The following RORA variants were observed in gnomAD, a reference collection of about 807,000 sequenced individuals.
The protein encoded by RORA is RAR related orphan receptor A.
In RORA, 7 loss-of-function variants were observed where a neutral mutation model predicts 69.5. That is an observed-to-expected ratio of 0.10 (90% CI 0.06 to 0.19). RORA has a LOEUF of 0.19. RORA is among the 10% of genes least tolerant of loss of function. RORA has a pLI of 1.00. For synonymous variants in RORA, 261 were observed against 240.8 expected, an observed-to-expected ratio of 1.08 and a Z score of -0.78; for missense variants, 457 against 663.0, an observed-to-expected ratio of 0.69 and a Z score of 3.41.
rs188717845 is a variant in RORA at position 60,567,955 on chromosome 15, A to G, written c.197-36104T>C. The stretch of plus-strand genomic sequence containing the variant: ...CTATGATGAACAGAAGGTAGAAAGC[A>G]TGCTCTGTGGCAGGGTTTCTCAGCC... On this transcript the variant is annotated intron_variant, in intron 2 of 10. Coordinates refer to ENST00000335670, the MANE Select transcript of RORA (RefSeq NM_134261.3). Among the ~76,000 whole-genome samples, 90 of 152,314 alleles carry G rather than the reference A, an allele frequency of 5.9e-4. No individual in the cohort carries two copies. In the Middle Eastern group the frequency reaches 0.01, roughly 17 times the overall value.
chr15:60,854,575 A>G (rs2073360982), intron 1 of RORA, among the ~76,000 whole-genome samples: 1 of 152,240 alleles, frequency 6.6e-6, no homozygotes, highest in Non-Finnish European at 1.5e-5. Flanking sequence ...ACACATGAAC[A>G]TATGGCTGAA....
chr15:61,183,845 AAT>A lies in RORA; in HGVS notation c.166+45206_166+45207del, dbSNP rs558528963. Among the ~76,000 whole-genome samples, 30 of 152,296 alleles carry A rather than the reference AAT, an allele frequency of 2.0e-4. 1 individual carries two copies. In the South Asian group the frequency reaches 6.0e-3, roughly 31 times the overall value. ...CTACATGAATGAATGGGTTACAATC[AAT>A]AGTCTCATGTCCTCCTTTCATACCT... On this transcript the variant is annotated intron_variant, in intron 1 of 10. Transcript: ENST00000335670.
intron 2 of RORA, among the ~76,000 whole-genome samples, chr15:60,661,906 A>C (rs1157537238): frequency 6.6e-6 from 1 of 152,224 alleles, no homozygotes; most frequent in Non-Finnish European, 1.5e-5. Context: ...TTGGGACTTT[A>C]GAATGCTGAG....
At chr15:60,965,525 T>C (rs1374029122) in intron 1 of RORA, among the ~76,000 whole-genome samples, 1 of 152,202 alleles carries the variant, frequency 6.6e-6, no homozygotes, top group Non-Finnish European at 1.5e-5. Flanking sequence ...AGTCTCACAT[T>C]GGAAGAACTT....
intron 1 of RORA, among the ~76,000 whole-genome samples, chr15:61,124,419 C>A (rs2079127126): frequency 6.6e-6 from 1 of 152,092 alleles, no homozygotes; most frequent in Non-Finnish European, 1.5e-5. Context: ...CGATTCAGCA[C>A]CCTCTCTGCC....
At chr15:60,912,529 T>A (rs769166657) in intron 1 of RORA, among the ~76,000 whole-genome samples, 1 of 152,050 alleles carries the variant, frequency 6.6e-6, no homozygotes, top group Non-Finnish European at 1.5e-5. Context: ...CCGAGGCATG[T>A]GGATCACGAG....
intron 1 of RORA, among the ~76,000 whole-genome samples, chr15:60,908,233 C>T (rs542804103): frequency 1.8e-4 from 28 of 152,326 alleles, no homozygotes; most frequent in East Asian, 9.6e-4. Flanking sequence ...CTGAGCTGAC[C>T]GTAGGGTGTG....
intron 1 of RORA, among the ~76,000 whole-genome samples, chr15:61,180,489 G>A (rs1024440867): frequency 6.6e-6 from 1 of 152,088 alleles, no homozygotes; most frequent in African/African-American, 2.4e-5. Flanking sequence ...TGTGTTCTGC[G>A]GCCACAGTGT....
rs923723774 is a variant in RORA, at chr15:60,493,344, A to G, written c.*4111T>C. On this transcript the variant is annotated 3_prime_UTR_variant, in exon 11 of 11. Coordinates refer to ENST00000335670, the MANE Select transcript of RORA (RefSeq NM_134261.3). Reference sequence around the variant, plus strand: ...AAAAACCCCAAAAAACTGTACAAATATGTATTTTTCCCTGAGGGATCAAGG... The same window carrying G: ...AAAAACCCCAAAAAACTGTACAAATGTGTATTTTTCCCTGAGGGATCAAGG... 7.9e-5 allele frequency: 12 copies of G among 152,134 alleles called. No individual in the cohort carries two copies. The highest frequency in any genetic ancestry group is 2.7e-4 in the African/African-American group (11 of 41,434). The allele number at this position is 152,134 out of a possible 1,614,324, so 9.4% of individuals were successfully genotyped here.
intron 1 of RORA, among the ~76,000 whole-genome samples, chr15:60,745,212 C>T (rs2071630246): frequency 6.6e-6 from 1 of 152,106 alleles, no homozygotes; most frequent in Non-Finnish European, 1.5e-5. Context: ...AAATTTGCTT[C>T]CAGGGGAGTT....
intron 2 of RORA, chr15:60,614,956 G>A (rs752336057): frequency 5.6e-6 from 9 of 1,613,948 alleles, no homozygotes; most frequent in Non-Finnish European, 3.4e-6. Flanking sequence ...GTTCTTGGCT[G>A]TGGCTCCATC....
chr15:60,735,084 G>A (rs1308626860), intron 1 of RORA, among the ~76,000 whole-genome samples: 1 of 152,176 alleles, frequency 6.6e-6, no homozygotes, highest in Non-Finnish European at 1.5e-5. Context: ...CAAAACAACA[G>A]TCACTGACAT....
At chr15:60,740,255 C>T (rs181993120) in intron 1 of RORA, among the ~76,000 whole-genome samples, 13 of 151,284 alleles carry the variant, frequency 8.6e-5, no homozygotes, top group Admixed American at 5.3e-4. Context: ...CAGTTCGTTA[C>T]CCCCCGCACT....
chr15:60,959,062 CT>C (rs56821059), intron 1 of RORA, among the ~76,000 whole-genome samples: 2,076 of 152,290 alleles, frequency 0.014, 48 homozygotes, highest in African/African-American at 0.047. Context: ...CAAAGAGATC[CT>C]TATGGACATA....
intron 2 of RORA, among the ~76,000 whole-genome samples, chr15:60,643,469 GA>G (rs895712487): frequency 8.5e-5 from 13 of 152,318 alleles, no homozygotes; most frequent in African/African-American, 3.1e-4. Flanking sequence ...TCTTCTTGGT[GA>G]ACAATAGTTT....
chr15:60,564,503 C>T (rs554358739), intron 2 of RORA, among the ~76,000 whole-genome samples: 3 of 152,234 alleles, frequency 2.0e-5, no homozygotes, highest in Admixed American at 6.5e-5. Flanking sequence ...TTTAACTTCA[C>T]TTATGAGAGA....
At chr15:60,972,010 C>G (rs117957921) in intron 1 of RORA, among the ~76,000 whole-genome samples, 1 of 152,284 alleles carries the variant, frequency 6.6e-6, no homozygotes, top group Non-Finnish European at 1.5e-5. Flanking sequence ...TGGGGTCATG[C>G]CTCCCGAATT....
chr15:60,829,304 T>C (rs993045522), intron 1 of RORA, among the ~76,000 whole-genome samples: 3 of 152,178 alleles, frequency 2.0e-5, no homozygotes, highest in African/African-American at 7.2e-5. Flanking sequence ...CCTGTTCAAC[T>C]CTACATCTCA....
chr15:61,163,025 T>C (rs1434972963), intron 1 of RORA, among the ~76,000 whole-genome samples: 4 of 152,238 alleles, frequency 2.6e-5, no homozygotes, highest in African/African-American at 9.6e-5. Flanking sequence ...AGTCAATGAA[T>C]GAATCAATCA....
Sources: allele counts gnomAD v4.1 joint callset (sites outside exome capture counted in the v4.1 genomes callset), GRCh38; gene constraint gnomAD v4.1.1; transcripts MANE v1.5; gene names NCBI Gene and HGNC (gene_info 2026-07-23, HGNC 2026-07-21).